PTPRR: variants seen among roughly 807,000 people sequenced by gnomAD.
PTPRR encodes the protein receptor-type tyrosine-protein phosphatase R.
In PTPRR, 38 loss-of-function variants were observed where a neutral mutation model predicts 77.2. That is an observed-to-expected ratio of 0.49 (90% confidence interval 0.38 to 0.65). The LOEUF is 0.65. Among genes scored for constraint, PTPRR ranks in the 30% least tolerant of loss-of-function variants. The probability of loss-of-function intolerance (pLI) is 0.00; values close to 1 mark genes in which losing one functional copy is unlikely to be tolerated. For missense variants in PTPRR, 744 were observed against 799.2 expected (o/e 0.93, Z 0.83); for synonymous variants, 299 against 283.1 (o/e 1.06, Z -0.57).
intron 4 of PTPRR, among the ~76,000 whole-genome samples, chr12:70,760,332 A>G (rs1890664151): frequency 1.3e-5 from 2 of 152,178 alleles, no homozygotes; most frequent in African/African-American, 4.8e-5. Flanking sequence ...TTGGGATACA[A>G]ACTCCATCTG....
Position 70,789,118 on chromosome 12 carries a change from A to C in PTPRR, c.358-24340T>G, listed in dbSNP as rs1019953115. On this transcript the variant is annotated intron_variant, in intron 2 of 13. Coordinates refer to ENST00000283228, the MANE Select transcript of PTPRR (RefSeq NM_002849.4). ...TTTTTTTTCCATGGGAATTAGCAAA[A>C]CTGTAAGATGAGAACTTTATGGGCT... is the stretch of plus-strand genomic sequence containing the variant. 7.0e-5 allele frequency: 30 copies of C among 429,968 alleles called. 1 individual carries two copies. The highest frequency in any genetic ancestry group is 2.0e-4 in the South Asian group (4 of 20,278). 26.6% of individuals were successfully genotyped at this position (429,968 alleles called of 1,614,324 possible). A position where few individuals can be genotyped will look rare whatever the true frequency, so the allele number is the denominator to read the frequency against.
chr12:70,858,126 T>C (rs879499655), intron 2 of PTPRR, among the ~76,000 whole-genome samples: 3 of 152,112 alleles, frequency 2.0e-5, no homozygotes, highest in Non-Finnish European at 4.4e-5. Context: ...CAGTTTTTGC[T>C]CTTTGGTTCC....
At chr12:70,672,138 A>G in intron 10 of PTPRR, 2 of 1,429,494 alleles carry the variant, frequency 1.4e-6, no homozygotes, top group Non-Finnish European at 2.0e-6. Context: ...GAGCAGGGAG[A>G]GGCCATCCTC....
chr12:70,713,940 G>A (rs1439761407), intron 6 of PTPRR, among the ~76,000 whole-genome samples: 1 of 152,140 alleles, frequency 6.6e-6, no homozygotes, highest in Non-Finnish European at 1.5e-5. Context: ...GTTTCTCTGA[G>A]CGTGTTTTGG....
chr12:70,643,564 A>G (rs1170053492), intron 13 of PTPRR, among the ~76,000 whole-genome samples: 1 of 152,168 alleles, frequency 6.6e-6, no homozygotes. Flanking sequence ...TATTTATGGA[A>G]TAAATGTATA....
chr12:70,668,688 A>G (rs1300168370), intron 10 of PTPRR, among the ~76,000 whole-genome samples: 2 of 152,190 alleles, frequency 1.3e-5, no homozygotes, highest in Non-Finnish European at 2.9e-5. Flanking sequence ...TAAAATTTAC[A>G]TATCTATTGA....
At chr12:70,659,901 T>C (rs1463253416) in intron 12 of PTPRR, among the ~76,000 whole-genome samples, 2 of 151,968 alleles carry the variant, frequency 1.3e-5, no homozygotes, top group Non-Finnish European at 2.9e-5. Context: ...TGGCTGGGCA[T>C]GGTAGCTCAC....
intron 6 of PTPRR, among the ~76,000 whole-genome samples, chr12:70,701,656 A>G (rs1888430108): frequency 6.6e-6 from 1 of 152,186 alleles, no homozygotes; most frequent in Non-Finnish European, 1.5e-5. Flanking sequence ...CTATATCTAT[A>G]TCTTCTGAGT....
chr12:70,720,005 C>T (rs1889186995), intron 6 of PTPRR, among the ~76,000 whole-genome samples: 2 of 152,234 alleles, frequency 1.3e-5, no homozygotes, highest in African/African-American at 4.8e-5. Flanking sequence ...ACAAGCGCCA[C>T]CTGGAGGGTG....
At chr12:70,754,469 G>T in intron 4 of PTPRR, 168 bp from the exon 5 acceptor site, 1 of 1,561,042 alleles carries the variant, frequency 6.4e-7, no homozygotes, top group Non-Finnish European at 8.6e-7. Flanking sequence ...ACAACAGACT[G>T]CCATCCTTAT....
At position 70,920,554 on chromosome 12, in the gene PTPRR, C is replaced by A; in HGVS notation, c.-164G>T. ...CTGTGGCGCCGACAGAAACCAGCAC[C>A]AGCTTCAACCTCCCTAAGAGAGGGA... is the stretch of plus-strand genomic sequence containing the variant. On this transcript the variant is annotated 5_prime_UTR_variant, in exon 1 of 14. Coordinates refer to ENST00000283228, the MANE Select transcript of PTPRR (RefSeq NM_002849.4). 1 of 631,770 alleles carries A rather than the reference C, an allele frequency of 1.6e-6. No individual in the cohort carries two copies. Among genetic ancestry groups the A allele is most frequent in the South Asian group, 1.8e-5 (1 of 57,130 alleles). The allele number at this position is 631,770 out of a possible 1,614,324, so 39.1% of individuals were successfully genotyped here. A position where few individuals can be genotyped will look rare whatever the true frequency, so the allele number is the denominator to read the frequency against.
chr12:70,655,047 C>T (rs540032369), intron 13 of PTPRR, among the ~76,000 whole-genome samples: 1 of 152,332 alleles, frequency 6.6e-6, no homozygotes, highest in East Asian at 1.9e-4. Context: ...CCACTTTCTC[C>T]ATCACTAACT....
At chr12:70,773,802 T>C (rs7313937) in intron 2 of PTPRR, among the ~76,000 whole-genome samples, 16,537 of 152,266 alleles carry the variant, frequency 0.11, 1,167 homozygotes, top group African/African-American at 0.2. Context: ...AGTACACAAG[T>C]GTTTGCTACA....
intron 2 of PTPRR, among the ~76,000 whole-genome samples, chr12:70,879,882 T>C (rs896068729): frequency 2.0e-5 from 3 of 151,974 alleles, no homozygotes; most frequent in African/African-American, 7.2e-5. Flanking sequence ...AGAGGAAAAA[T>C]GAGTGAAGAA....
At chr12:70,754,484 C>A (rs140362138) in intron 4 of PTPRR, 183 bp from the exon 5 acceptor site, 67 of 1,557,740 alleles carry the variant, frequency 4.3e-5, no homozygotes, top group Non-Finnish European at 5.5e-5. Flanking sequence ...CCTTATATAT[C>A]GAGATTATTT....
chr12:70,815,143 A>AC (rs1413298201), intron 2 of PTPRR, among the ~76,000 whole-genome samples: 11 of 129,760 alleles, frequency 8.5e-5, no homozygotes, highest in Non-Finnish European at 1.2e-4. Context: ...CAAAAAAAAA[A>AC]AAAAACCCAC....
intron 10 of PTPRR, among the ~76,000 whole-genome samples, chr12:70,682,082 C>T (rs1350088834): frequency 3.2e-5 from 4 of 124,406 alleles, no homozygotes; most frequent in East Asian, 2.6e-4. Flanking sequence ...CTCGCTCTGT[C>T]GCCCAGGCTG....
At chr12:70,891,897 G>T (rs773155096) in intron 2 of PTPRR, among the ~76,000 whole-genome samples, 1 of 152,030 alleles carries the variant, frequency 6.6e-6, no homozygotes, top group Non-Finnish European at 1.5e-5. Context: ...TTATATTTTG[G>T]AGCAGAGATG....
At position 70,660,964 on chromosome 12, in the gene PTPRR, C is replaced by T. The variant is rs144147611; in HGVS notation, c.1742G>A (p.Arg581Gln). Reference sequence around the variant, plus strand: ...CCTGCAGTGGACAACCACAGGCCCTCGGCCCTGGGAAGCAAGTCTGTCTTC... The same window carrying T: ...CCTGCAGTGGACAACCACAGGCCCTTGGCCCTGGGAAGCAAGTCTGTCTTC... ...VEEDRLASQGRGPVVVHCSAG... is the reference protein window; with the variant it reads ...VEEDRLASQGQGPVVVHCSAG... The change falls in exon 12 of 14, where the codon CGA becomes CAA. Residue 581 changes from arginine to glutamine, a missense_variant. By Grantham distance (43) the Arg-to-Gln change is conservative. This residue lies in a region of PTPRR where 170 missense variants were observed against 209.8 expected (regional missense o/e 0.81). Coordinates refer to ENST00000283228, the MANE Select transcript of PTPRR (RefSeq NM_002849.4). 43 of 1,613,662 alleles carry T rather than the reference C, an allele frequency of 2.7e-5. No individual in the cohort carries two copies. The highest frequency in any genetic ancestry group is 1.5e-4 in the African/African-American group (11 of 75,052).
Sources: allele counts gnomAD v4.1 joint callset (sites outside exome capture counted in the v4.1 genomes callset), GRCh38; gene constraint gnomAD v4.1.1; regional missense constraint gnomAD v4.1.1; transcripts MANE v1.5; gene names NCBI Gene and HGNC (gene_info 2026-07-23, HGNC 2026-07-21).